Variants in AK8 observed in about 807,000 individuals in gnomAD.
The protein encoded by AK8 is ATP-AMP transphosphorylase 8.
Under a neutral mutation model 54.6 loss-of-function variants are expected in AK8, and 44 were observed. The ratio of observed to expected loss-of-function variants is 0.81; its 90% CI spans 0.63 to 1.04. AK8 has a LOEUF of 1.04. Among genes scored for constraint, AK8 ranks in the 50% least tolerant of loss-of-function variants. AK8 has a pLI of 0.00. For missense variants in AK8, 555 were observed against 613.6 expected, an observed-to-expected ratio of 0.90 and a Z score of 1.01; for synonymous variants, 239 against 245.6, an observed-to-expected ratio of 0.97 and a Z score of 0.25.
At chr9:132,857,582 G>A (rs1313853386) in intron 4 of AK8, among the ~76,000 whole-genome samples, 1 of 151,880 alleles carries the variant, frequency 6.6e-6, no homozygotes, top group African/African-American at 2.4e-5. Context: ...GTCCTCTCCT[G>A]ACCCCAGGCA....
chr9:132,875,091 G>C, intron 2 of AK8, 24 bp downstream of exon 2: 1 of 1,613,562 alleles, frequency 6.2e-7, no homozygotes, highest in Non-Finnish European at 8.5e-7. Context: ...GACGAGGAGG[G>C]GAAGAGCCCC....
At position 132,790,243 on chromosome 9, in the gene AK8, G is replaced by A. The variant is rs1839888809; in HGVS notation, c.1121+2391C>T. On this transcript the variant is annotated intron_variant, in intron 11 of 12. Transcript: ENST00000298545. This position sits in a 1 kb window ranked among gnomAD's most constrained non-coding sequence, Gnocchi z 4.1. The stretch of plus-strand genomic sequence containing the variant: ...ACATTAACTAGAGATTTTAAATCAC[G>A]GAGCTATACTTCTTTTTTTTTTTTT... 2.0e-5 allele frequency among the ~76,000 whole-genome samples: 3 copies of A among 151,870 alleles called. No homozygotes were observed. The highest frequency in any genetic ancestry group is 4.8e-5 in the African/African-American group (2 of 41,288).
In AK8 at chr9:132,837,828, G is replaced by T. The variant is rs11792728; in HGVS notation, c.403-9102C>A. 2.7e-4 allele frequency among the ~76,000 whole-genome samples: 41 copies of T among 152,246 alleles called. No homozygotes were observed. The highest frequency in any genetic ancestry group is 4.1e-4 in the Non-Finnish European group (28 of 68,018). On this transcript the variant is annotated intron_variant, in intron 5 of 12. Transcript: ENST00000298545. The surrounding 1 kb of genome is among the most constrained non-coding windows in gnomAD (Gnocchi z 4.3). The stretch of plus-strand genomic sequence containing the variant: ...GAGGTGTGCTCACTGTGCTGTGCCC[G>T]GCACCTCACCAAGCCCTCAGAAGCC...
chr9:132,841,605 C>A (rs538678036), intron 5 of AK8, among the ~76,000 whole-genome samples: 1 of 152,192 alleles, frequency 6.6e-6, no homozygotes, highest in Admixed American at 6.5e-5. Context: ...GGAGCCTCTG[C>A]GTGGTGGCCT....
At chr9:132,841,935 C>T (rs1467220231) in intron 5 of AK8, among the ~76,000 whole-genome samples, 1 of 152,082 alleles carries the variant, frequency 6.6e-6, no homozygotes, top group Non-Finnish European at 1.5e-5. Flanking sequence ...AACCTGAACC[C>T]GGGGTCCCAA....
At chr9:132,787,526 T>C (rs569449777) in intron 11 of AK8, among the ~76,000 whole-genome samples, 7 of 152,260 alleles carry the variant, frequency 4.6e-5, no homozygotes, top group South Asian at 2.1e-4. Context: ...AGTATGAAGA[T>C]AGAATAGACA....
chr9:132,804,155 G>A (rs1840605293), intron 10 of AK8, among the ~76,000 whole-genome samples: 1 of 150,986 alleles, frequency 6.6e-6, no homozygotes, highest in Non-Finnish European at 1.5e-5. Context: ...CACTGGGGCT[G>A]CCCATGGAGA....
intron 10 of AK8, among the ~76,000 whole-genome samples, chr9:132,811,698 G>T (rs1841017589): frequency 1.3e-5 from 2 of 152,212 alleles, no homozygotes; most frequent in Non-Finnish European, 2.9e-5. Context: ...CACTGATGGT[G>T]GGAGCGTATG....
At chr9:132,748,255 AAC>A (rs1239286039) in intron 11 of AK8, among the ~76,000 whole-genome samples, 2 of 150,600 alleles carry the variant, frequency 1.3e-5, no homozygotes, top group Non-Finnish European at 2.9e-5. Context: ...CAGATCATAA[AAC>A]ACACAGATTT....
rs73659484 is a variant in AK8, at chr9:132,792,010, T to C, written c.1121+624A>G. Among the ~76,000 whole-genome samples, 1,009 of 152,340 alleles carry C rather than the reference T, an allele frequency of 6.6e-3. 14 individuals carry two copies. The highest frequency in any genetic ancestry group is 0.022 in the African/African-American group (921 of 41,578). ...AAGCCTTTCCCACCTTCCACTAGAA[T>C]GCTGTCACCTCCGCTGCCTGCCTGT... On this transcript the variant is annotated intron_variant, in intron 11 of 12. Transcript: ENST00000298545.
chr9:132,771,993 TA>T (rs1197463280), intron 11 of AK8, among the ~76,000 whole-genome samples: 1 of 152,148 alleles, frequency 6.6e-6, no homozygotes, highest in East Asian at 1.9e-4. Context: ...AACTCCCCCT[TA>T]AAAAAACCAT....
At position 132,799,778 on chromosome 9, in the gene AK8, C is replaced by T. The variant is rs765798989; in HGVS notation, c.980-7003G>A. ...CCACACTGCCTCTCCTCATCCCTCA[C>T]ATTCGCTTCAAACTGCCCGGTGTAA... On this transcript the variant is annotated intron_variant, in intron 10 of 12. Transcript: ENST00000298545. The surrounding 1 kb of genome is among the most constrained non-coding windows in gnomAD (Gnocchi z 5.0). 1.1e-4 allele frequency among the ~76,000 whole-genome samples: 16 copies of T among 152,204 alleles called. No individual in the cohort carries two copies. Among genetic ancestry groups the T allele is most frequent in the Non-Finnish European group, 2.1e-4 (14 of 68,044 alleles).
chr9:132,775,643 A>C (rs1254216699), intron 11 of AK8, among the ~76,000 whole-genome samples: 1 of 152,134 alleles, frequency 6.6e-6, no homozygotes, highest in Admixed American at 6.5e-5. Flanking sequence ...ATTACTCACC[A>C]AGAAAAGACC....
intron 5 of AK8, among the ~76,000 whole-genome samples, chr9:132,841,795 C>G (rs183559327): frequency 6.6e-6 from 1 of 152,150 alleles, no homozygotes; most frequent in African/African-American, 2.4e-5. Flanking sequence ...TTATGTTACA[C>G]ATTTATTTAA....
intron 8 of AK8, among the ~76,000 whole-genome samples, chr9:132,824,148 A>G (rs1212208757): frequency 6.6e-6 from 1 of 152,180 alleles, no homozygotes; most frequent in Non-Finnish European, 1.5e-5. Context: ...CTCCCGCTGG[A>G]GCTCAGAAAC....
intron 10 of AK8, among the ~76,000 whole-genome samples, chr9:132,793,517 A>G (rs1159019513): frequency 6.6e-6 from 1 of 152,104 alleles, no homozygotes; most frequent in Non-Finnish European, 1.5e-5. Flanking sequence ...TGCGCTAGCA[A>G]CGCCCACTCC....
chr9:132,750,335 T>C lies in AK8; in HGVS notation c.1122-22801A>G, dbSNP rs147334085. ...GGTTTCACCATGTTGGCCAGGCTGG[T>C]GTCCAAATCCTGACCTCAAGTGAGC... is the stretch of plus-strand genomic sequence containing the variant. On this transcript the variant is annotated intron_variant, in intron 11 of 12. Coordinates refer to ENST00000298545, the MANE Select transcript of AK8 (RefSeq NM_152572.3). 3.7e-3 allele frequency among the ~76,000 whole-genome samples: 561 copies of C among 152,042 alleles called. 10 individuals are homozygous for C. The highest frequency in any genetic ancestry group is 0.013 in the African/African-American group (533 of 41,530).
chr9:132,745,579 T>C (rs1333094893), intron 11 of AK8, among the ~76,000 whole-genome samples: 1 of 152,148 alleles, frequency 6.6e-6, no homozygotes, highest in Non-Finnish European at 1.5e-5. Flanking sequence ...TTTGTTTTAC[T>C]ATGTTCTCTT....
intron 11 of AK8, 124 bp from the exon 12 acceptor site, chr9:132,727,658 C>T: frequency 1.1e-6 from 1 of 890,464 alleles, no homozygotes; most frequent in South Asian, 1.6e-5. Context: ...ATTCCTAGAG[C>T]CAGCAAGCAA....
Sources: allele counts gnomAD v4.1 joint callset (sites outside exome capture counted in the v4.1 genomes callset), GRCh38; gene constraint gnomAD v4.1.1; non-coding constraint Gnocchi (gnomAD v3.1); transcripts MANE v1.5; gene names NCBI Gene and HGNC (gene_info 2026-07-23, HGNC 2026-07-21).